The following AJUBA variants were observed in gnomAD, a reference collection of about 807,000 sequenced individuals.
The protein encoded by AJUBA is ajuba LIM protein.
In AJUBA, 20 loss-of-function variants were observed where a neutral mutation model predicts 53.3. The ratio of observed to expected loss-of-function variants is 0.38; its 90% CI spans 0.26 to 0.55. The LOEUF (loss-of-function observed/expected upper bound fraction) is 0.55, where lower values mean the gene tolerates loss of function less well. Ranked by LOEUF, AJUBA falls within the 20% of genes least tolerant of loss-of-function variation. AJUBA has a pLI of 0.80. For synonymous variants in AJUBA, 296 were observed against 306.2 expected (o/e 0.97, Z 0.35); for missense variants, 580 against 730.5 (o/e 0.79, Z 2.38).
intron 1 of AJUBA, 73 bp downstream of exon 1, chr14:22,981,187 TG>T: frequency 6.7e-7 from 1 of 1,500,682 alleles, no homozygotes; most frequent in Non-Finnish European, 8.9e-7. Context: ...ACCGGCACTT[TG>T]GGCCGTCGGG....
At position 22,973,304 on chromosome 14, in the gene AJUBA, T is replaced by G; in HGVS notation, c.*139A>C. On this transcript the variant is annotated 3_prime_UTR_variant, in exon 8 of 8. Transcript: ENST00000262713. ...CATTTGGAATATCATGATCTTTGGG[T>G]CTCCGGCCCTTGGGGTCCTCCCCAG... 8.0e-7 allele frequency: 1 copy of G among 1,248,674 alleles called. No individual in the cohort carries two copies. The highest frequency in any genetic ancestry group is 1.1e-6 in the Non-Finnish European group (1 of 912,442). The allele number at this position is 1,248,674 out of a possible 1,614,324, so 77.3% of individuals were successfully genotyped here. A position where few individuals can be genotyped will look rare whatever the true frequency, so the allele number is the denominator to read the frequency against.
At chr14:22,974,684 G>T in intron 6 of AJUBA, 155 bp downstream of exon 6, 2 of 815,010 alleles carry the variant, frequency 2.5e-6, no homozygotes, top group East Asian at 2.7e-5. Context: ...TTAGGGTCAG[G>T]GTGGTGACCC....
rs1338892249 is a variant in AJUBA, at chr14:22,981,334, C to T, written c.933G>A (p.Glu311=). The part of the protein sequence containing the change: ...PSGIEPSGLE[E]PPGPFVPEAA... Reference sequence around the variant, plus strand: ...CCTCCGGAACGAAAGGACCTGGTGGCTCCTCCAGACCCGACGGCTCAATCC... The same window carrying T: ...CCTCCGGAACGAAAGGACCTGGTGGTTCCTCCAGACCCGACGGCTCAATCC... The change falls in exon 1 of 8, where the codon GAG becomes GAA. Residue 311 remains glutamate, a synonymous_variant. Coordinates refer to ENST00000262713, the MANE Select transcript of AJUBA (RefSeq NM_032876.6). 3 of 1,613,154 alleles carry T rather than the reference C, an allele frequency of 1.9e-6. No individual in the cohort carries two copies. The highest frequency in any genetic ancestry group is 1.3e-5 in the African/African-American group (1 of 74,948).
rs751740109 is a variant in AJUBA, at chr14:22,973,561, C to T, written c.1499G>A (p.Arg500Gln). The T allele has an allele frequency of 3.0e-5, 48 of 1,613,982 alleles. No individual in the cohort carries two copies. Among genetic ancestry groups the T allele is most frequent in the Admixed American group, 1.0e-4 (6 of 60,004 alleles). ...GCCTTCCTCATCACTCAGCTGCATC[C>T]GGCAGTCCTAGGGAAGAAGGCACCT... Reference protein sequence around the residue: ...HFECYHCEDCRMQLSDEEGCC... With the variant: ...HFECYHCEDCQMQLSDEEGCC... Residue 500 changes from arginine (R) to glutamine (Q), a missense_variant, in exon 8 of 8, where the codon CGG becomes CAG. Arg to Gln is a conservative substitution (Grantham distance 43). Coordinates refer to ENST00000262713, the MANE Select transcript of AJUBA (RefSeq NM_032876.6).
intron 1 of AJUBA, among the ~76,000 whole-genome samples, chr14:22,980,212 G>GCCTGCCACTT (rs2045074408): frequency 1.3e-5 from 2 of 152,346 alleles, no homozygotes; most frequent in South Asian, 4.1e-4. Context: ...TAGGCGGTAA[G>GCCTGCCACTT]CCTGCCACTT....
chr14:22,976,549 GTTA>G, intron 3 of AJUBA, 31 bp from the exon 4 acceptor site: 1 of 1,613,812 alleles, frequency 6.2e-7, no homozygotes, highest in Non-Finnish European at 8.5e-7. Context: ...AACGGAGGCT[GTTA>G]TCAAACTGAG....
In AJUBA at chr14:22,979,386, T is replaced by C. The variant is rs1023194279; in HGVS notation, c.1007-941A>G. ...TGCCTGTTGGGGCCCATCCCAGTCT[T>C]TGCCCAGGGGCTTGGGAGCCTGTGC... On this transcript the variant is annotated intron_variant, in intron 1 of 7. Coordinates refer to ENST00000262713, the MANE Select transcript of AJUBA (RefSeq NM_032876.6). This position sits in a 1 kb window ranked among gnomAD's most constrained non-coding sequence, Gnocchi z 4.0. Among the ~76,000 whole-genome samples the C allele has an allele frequency of 2.0e-5, 3 of 152,202 alleles. No homozygotes were observed. Among genetic ancestry groups the C allele is most frequent in the African/African-American group, 7.2e-5 (3 of 41,462 alleles).
At chr14:22,977,370 A>T in intron 2 of AJUBA, 1 of 225,230 alleles carries the variant, frequency 4.4e-6, no homozygotes. Context: ...AGGCAGGACA[A>T]TTCCCCATGT....
chr14:22,978,687 CCA>C (rs766318286), intron 1 of AJUBA: 7 of 1,288,114 alleles, frequency 5.4e-6, no homozygotes, highest in Non-Finnish European at 6.0e-6. Flanking sequence ...TAACACAGCA[CCA>C]CTACCTAAGG....
chr14:22,980,646 C>T (rs530924801), intron 1 of AJUBA: 2 of 985,300 alleles, frequency 2.0e-6, no homozygotes, highest in Admixed American at 6.1e-5. Flanking sequence ...GGTCCCAGGG[C>T]GCTCCATCCT....
At position 22,979,469 on chromosome 14, in the gene AJUBA, G is replaced by A. The variant is rs2045067788; in HGVS notation, c.1007-1024C>T. Among the ~76,000 whole-genome samples, 1 of 152,252 alleles carries A rather than the reference G, an allele frequency of 6.6e-6. No homozygotes were observed. Among genetic ancestry groups the A allele is most frequent in the Admixed American group, 6.5e-5 (1 of 15,286 alleles). On this transcript the variant is annotated intron_variant, in intron 1 of 7. Transcript: ENST00000262713. This position sits in a 1 kb window ranked among gnomAD's most constrained non-coding sequence, Gnocchi z 4.0. Reference sequence around the variant, plus strand: ...TCCTGCTCCCACCCTCTGGCAGCTGGGCAAGGCTGAAGCCAAGGAAGAGGG... The same window carrying A: ...TCCTGCTCCCACCCTCTGGCAGCTGAGCAAGGCTGAAGCCAAGGAAGAGGG...
At chr14:22,978,972 G>A in intron 1 of AJUBA, 1 of 1,289,148 alleles carries the variant, frequency 7.8e-7, no homozygotes. Context: ...AGACTTCCAA[G>A]GATGGAGAAA....
intron 1 of AJUBA, among the ~76,000 whole-genome samples, chr14:22,980,914 G>A (rs905774265): frequency 1.3e-5 from 2 of 151,992 alleles, no homozygotes; most frequent in African/African-American, 2.4e-5. Flanking sequence ...GGGCACCGCC[G>A]TGAAAGGGGG....
At chr14:22,978,903 CTT>C in intron 1 of AJUBA, 1 of 1,287,038 alleles carries the variant, frequency 7.8e-7, no homozygotes, top group Non-Finnish European at 1.0e-6. Flanking sequence ...GTCTCTGGGA[CTT>C]CAGTTTCCCA....
Position 22,982,391 on chromosome 14 carries a change from A to G in AJUBA, c.-125T>C. 2 of 1,484,214 alleles carry G rather than the reference A, an allele frequency of 1.3e-6. No homozygotes were observed. The highest frequency in any genetic ancestry group is 4.9e-5 in the Admixed American group (2 of 40,464). The allele number at this position is 1,484,214 out of a possible 1,614,324, so 91.9% of individuals were successfully genotyped here. On this transcript the variant is annotated 5_prime_UTR_variant, in exon 1 of 8. The change abolishes the stop of an existing upstream ORF in the 5' untranslated region. Coordinates refer to ENST00000262713, the MANE Select transcript of AJUBA (RefSeq NM_032876.6). ...GGGCACAGGGGAGGCACAGGGGCTT[A>G]GCGGGCGGCCTGGATGCCCTGCGCC...
At chr14:22,976,853 G>T (rs889938160) in intron 2 of AJUBA, 141 bp from the exon 3 acceptor site, 11 of 1,433,020 alleles carry the variant, frequency 7.7e-6, no homozygotes, top group Non-Finnish European at 1.0e-5. Flanking sequence ...GTCCTTCCCC[G>T]CACAAAAATT....
chr14:22,977,277 T>C (rs2045046397), intron 2 of AJUBA: 1 of 915,764 alleles, frequency 1.1e-6, no homozygotes, highest in Non-Finnish European at 1.3e-6. Flanking sequence ...CCTCTCCTGT[T>C]TGTATAAGGC....
At position 22,981,402 on chromosome 14, in the gene AJUBA, C is replaced by T. The variant is rs766723594; in HGVS notation, c.865G>A (p.Gly289Ser). The change falls in exon 1 of 8, where the codon GGC becomes AGC. Residue 289 changes from glycine (G) to serine (S), a missense_variant. By Grantham distance (56) the Gly-to-Ser change is moderately conservative. This residue lies in a region of AJUBA where 430 missense variants were observed against 471.5 expected (regional missense o/e 0.91). Coordinates refer to ENST00000262713, the MANE Select transcript of AJUBA (RefSeq NM_032876.6). ...ELTALLRLTV[G>S]TGGREAGARG... ...GCTCCGGCTTCTCGCCCACCGGTGCCCACCGTCAGGCGAAGCAAAGCTGTT... is the reference window on the plus strand; with the variant it reads ...GCTCCGGCTTCTCGCCCACCGGTGCTCACCGTCAGGCGAAGCAAAGCTGTT... 6 of 1,612,674 alleles carry T rather than the reference C, an allele frequency of 3.7e-6. No individual in the cohort carries two copies. The highest frequency in any genetic ancestry group is 1.7e-5 in the Admixed American group (1 of 59,970).
intron 6 of AJUBA, 115 bp from the exon 7 acceptor site, chr14:22,974,230 C>T: frequency 9.2e-7 from 1 of 1,082,356 alleles, no homozygotes; most frequent in Non-Finnish European, 1.4e-6. Flanking sequence ...CCCCCAGAGT[C>T]TCTCTGCAAT....
Sources: gnomAD v4.1 joint callset for allele counts (sites outside exome capture counted in the v4.1 genomes callset) on GRCh38, gnomAD v4.1.1 for gene constraint, gnomAD v4.1.1 regional missense constraint, Gnocchi (gnomAD v3.1) non-coding constraint, MANE v1.5 for transcripts, NCBI Gene and HGNC (gene_info 2026-07-23, HGNC 2026-07-21) for gene names.